Variants in GRM7 observed in about 807,000 individuals in gnomAD.
GRM7 encodes glutamate metabotropic receptor 7, also known as metabotropic glutamate receptor 7.
In GRM7, 35 loss-of-function variants were observed where a neutral mutation model predicts 84.5. The ratio of observed to expected loss-of-function variants is 0.41; its 90% CI spans 0.32 to 0.55. The LOEUF is 0.55. GRM7 is among the 20% of genes least tolerant of loss of function. The pLI is 0.19. For missense variants in GRM7, 1,003 were observed against 1,194.6 expected (o/e 0.84, Z 2.36); for synonymous variants, 487 against 455.1 (o/e 1.07, Z -0.89).
intron 1 of GRM7, among the ~76,000 whole-genome samples, chr3:7,092,128 C>A (rs1698687030): frequency 6.6e-6 from 1 of 152,112 alleles, no homozygotes; most frequent in Non-Finnish European, 1.5e-5. Context: ...CCCTCCTCAA[C>A]CTCCGGAGAA....
intron 1 of GRM7, among the ~76,000 whole-genome samples, chr3:6,924,871 A>G (rs540153263): frequency 1.3e-5 from 2 of 152,266 alleles, no homozygotes; most frequent in African/African-American, 4.8e-5. Context: ...GACAGGAAAT[A>G]TCTCCAAATC....
chr3:6,887,537 A>G (rs553471776), intron 1 of GRM7, among the ~76,000 whole-genome samples: 2 of 152,306 alleles, frequency 1.3e-5, no homozygotes, highest in African/African-American at 4.8e-5. Context: ...AATTTCATCC[A>G]TGTCCCTACA....
intron 2 of GRM7, among the ~76,000 whole-genome samples, chr3:7,278,847 A>G (rs1699162710): frequency 6.6e-6 from 1 of 152,224 alleles, no homozygotes; most frequent in African/African-American, 2.4e-5. Context: ...CAAACTAAGT[A>G]ATTTGAAAGC....
chr3:6,906,441 T>C (rs1177733562), intron 1 of GRM7, among the ~76,000 whole-genome samples: 2 of 152,224 alleles, frequency 1.3e-5, no homozygotes, highest in African/African-American at 4.8e-5. Context: ...AATAATATTA[T>C]ACTCAGATTT....
intron 9 of GRM7, among the ~76,000 whole-genome samples, chr3:7,727,346 T>C (rs1311498658): frequency 1.3e-5 from 2 of 152,204 alleles, no homozygotes; most frequent in Non-Finnish European, 1.5e-5. Flanking sequence ...GCTTTTCAAA[T>C]GCATGTTGCT....
intron 4 of GRM7, among the ~76,000 whole-genome samples, chr3:7,386,638 G>A (rs1317558139): frequency 2.0e-5 from 3 of 152,142 alleles, no homozygotes; most frequent in Non-Finnish European, 4.4e-5. Flanking sequence ...GTATTCCATG[G>A]TGTATATGTA....
intron 4 of GRM7, among the ~76,000 whole-genome samples, chr3:7,375,705 A>G (rs1694323131): frequency 6.6e-6 from 1 of 152,010 alleles, no homozygotes; most frequent in African/African-American, 2.4e-5. Flanking sequence ...TTAATTCTTC[A>G]TATGCCCCTC....
At chr3:7,585,013 T>C (rs142434010) in intron 8 of GRM7, among the ~76,000 whole-genome samples, 2 of 152,290 alleles carry the variant, frequency 1.3e-5, no homozygotes, top group African/African-American at 2.4e-5. Flanking sequence ...TTTACACACA[T>C]ACCCAAACTT....
At chr3:7,732,226 G>T (rs1394169) in intron 9 of GRM7, among the ~76,000 whole-genome samples, 1 of 152,084 alleles carries the variant, frequency 6.6e-6, no homozygotes, top group Non-Finnish European at 1.5e-5. Flanking sequence ...CAGTGGGCAG[G>T]AAGGGCAATT....
chr3:7,251,394 G>T (rs566478168), intron 2 of GRM7, among the ~76,000 whole-genome samples: 34 of 151,932 alleles, frequency 2.2e-4, no homozygotes, highest in Non-Finnish European at 4.0e-4. Context: ...CATAGTTTCA[G>T]TATCACTGTG....
At chr3:7,245,357 G>A (rs963283700) in intron 2 of GRM7, among the ~76,000 whole-genome samples, 3 of 151,848 alleles carry the variant, frequency 2.0e-5, no homozygotes, top group Non-Finnish European at 4.4e-5. Flanking sequence ...GGACATCATG[G>A]TCAAACTAGG....
rs148369329 is a variant in GRM7 at position 7,292,310 on chromosome 3, G to A, written c.737-6374G>A. ...CCTTTGATGATTCCTCTAACAAGACGTGTTGTATGTACCTTTATCTCCTTT... is the reference window on the plus strand; with the variant it reads ...CCTTTGATGATTCCTCTAACAAGACATGTTGTATGTACCTTTATCTCCTTT... On this transcript the variant is annotated intron_variant, in intron 2 of 9. Transcript: ENST00000357716. Among the ~76,000 whole-genome samples the A allele has an allele frequency of 4.1e-3, 617 of 152,202 alleles. 5 individuals carry two copies. The highest frequency in any genetic ancestry group is 0.014 in the African/African-American group (578 of 41,530).
chr3:7,008,139 A>G (rs560746269), intron 1 of GRM7, among the ~76,000 whole-genome samples: 1 of 151,882 alleles, frequency 6.6e-6, no homozygotes, highest in African/African-American at 2.4e-5. Context: ...GTATTCCTCT[A>G]TTGGTGTCCT....
At chr3:7,594,749 G>T (rs1695956316) in intron 8 of GRM7, among the ~76,000 whole-genome samples, 1 of 151,988 alleles carries the variant, frequency 6.6e-6, no homozygotes, top group African/African-American at 2.4e-5. Flanking sequence ...CCACCATCTG[G>T]GCCTCTGCAA....
chr3:6,876,865 G>A (rs1277063113), intron 1 of GRM7, among the ~76,000 whole-genome samples: 1 of 152,098 alleles, frequency 6.6e-6, no homozygotes, highest in Non-Finnish European at 1.5e-5. Context: ...GCCTTCCAAA[G>A]TGCTGAGATT....
At chr3:7,059,858 T>C (rs1367966835) in intron 1 of GRM7, among the ~76,000 whole-genome samples, 2 of 151,836 alleles carry the variant, frequency 1.3e-5, no homozygotes, top group Admixed American at 1.3e-4. Context: ...CAGAATCTGC[T>C]AGTTCTTTCA....
Position 7,680,296 on chromosome 3 carries a change from G to A in GRM7, c.2698+1G>A. 3 of 1,613,818 alleles carry A rather than the reference G, an allele frequency of 1.9e-6. No homozygotes were observed. The highest frequency in any genetic ancestry group is 2.5e-6 in the Non-Finnish European group (3 of 1,179,722). ...CTCTGTGAAAACGTAGACCCAAACA[G>A]TAAGTAACTCTCCGTTTCTTTCATC... is the stretch of plus-strand genomic sequence containing the variant. On this transcript the variant is annotated splice_donor_variant, in intron 9 of 9. Transcript: ENST00000357716. LOFTEE classifies it high-confidence loss of function.
intron 1 of GRM7, among the ~76,000 whole-genome samples, chr3:7,050,552 C>T (rs1454339788): frequency 6.6e-6 from 1 of 151,788 alleles, no homozygotes; most frequent in Non-Finnish European, 1.5e-5. Flanking sequence ...AAGTAGATTG[C>T]ATATTTAATA....
intron 1 of GRM7, among the ~76,000 whole-genome samples, chr3:6,965,339 A>T (rs575336289): frequency 1.1e-4 from 16 of 151,740 alleles, no homozygotes; most frequent in Admixed American, 8.5e-4. Flanking sequence ...TTTTTTGGAG[A>T]CAGAGTTTTG....
Sources: allele counts gnomAD v4.1 joint callset (sites outside exome capture counted in the v4.1 genomes callset), GRCh38; gene constraint gnomAD v4.1.1; transcripts MANE v1.5; gene names NCBI Gene and HGNC (gene_info 2026-07-23, HGNC 2026-07-21).